SLC45A4: variants seen among roughly 807,000 people sequenced by gnomAD.
SLC45A4 encodes the protein solute carrier family 45 member 4.
Under a neutral mutation model 63.7 loss-of-function variants are expected in SLC45A4, and 32 were observed. The ratio of observed to expected loss-of-function variants is 0.50; its 90% CI spans 0.38 to 0.67. The LOEUF is 0.67. Ranked by LOEUF, SLC45A4 falls within the 30% of genes least tolerant of loss-of-function variation. SLC45A4 has a pLI of 0.00. For synonymous variants in SLC45A4, 535 were observed against 510.0 expected (o/e 1.05, Z -0.66); for missense variants, 1,027 against 1,157.7 (o/e 0.89, Z 1.64).
intron 5 of SLC45A4, 46 bp downstream of exon 5, chr8:141,217,965 C>CA: frequency 1.3e-6 from 2 of 1,533,566 alleles, no homozygotes; most frequent in East Asian, 2.4e-5. Flanking sequence ...CCGTGAGCCG[C>CA]AGGTGGGCAG....
intron 2 of SLC45A4, among the ~76,000 whole-genome samples, chr8:141,231,355 G>C (rs148864343): frequency 6.6e-6 from 1 of 152,358 alleles, no homozygotes; most frequent in East Asian, 1.9e-4. Context: ...CACGCTGCAA[G>C]TTGGTGGGGG....
Position 141,208,393 on chromosome 8 carries a change from C to G in SLC45A4, c.*3179G>C, listed in dbSNP as rs1247949475. On this transcript the variant is annotated 3_prime_UTR_variant, in exon 9 of 9. Coordinates refer to ENST00000517878, the MANE Select transcript of SLC45A4 (RefSeq NM_001286646.2). ...GTTGCTGCAGGGACGGCTTCCTGTT[C>G]AGCTCTGGGGTTCTAGGTGGTCACA... 1 of 152,158 alleles carries G rather than the reference C, an allele frequency of 6.6e-6. No homozygotes were observed. The highest frequency in any genetic ancestry group is 1.5e-5 in the Non-Finnish European group (1 of 68,038). The allele number at this position is 152,158 out of a possible 1,614,324, so 9.4% of individuals were successfully genotyped here. A position where few individuals can be genotyped will look rare whatever the true frequency, so the allele number is the denominator to read the frequency against.
chr8:141,304,549 A>C, intron 1 of SLC45A4, among the ~76,000 whole-genome samples: 1 of 102,868 alleles, frequency 9.7e-6, no homozygotes, highest in South Asian at 4.4e-4. Flanking sequence ...ACAGAGTAAG[A>C]CTGTCTCAAA....
At chr8:141,221,796 C>T (rs1432449272) in intron 2 of SLC45A4, 31 bp from the exon 3 acceptor site, 4 of 1,600,526 alleles carry the variant, frequency 2.5e-6, no homozygotes, top group Admixed American at 3.4e-5. Context: ...GTCGCACACG[C>T]AGGCACTGGC....
intron 1 of SLC45A4, among the ~76,000 whole-genome samples, chr8:141,303,660 C>A (rs1265504450): frequency 6.6e-6 from 1 of 152,142 alleles, no homozygotes; most frequent in East Asian, 1.9e-4. Context: ...CCAAGAGAAA[C>A]CTTGGGGCAA....
At chr8:141,307,315 G>A (rs984079567) in intron 1 of SLC45A4, among the ~76,000 whole-genome samples, 3 of 152,184 alleles carry the variant, frequency 2.0e-5, no homozygotes, top group African/African-American at 7.2e-5. Flanking sequence ...ATCTGGGCCC[G>A]GATGAACTGA....
intron 3 of SLC45A4, among the ~76,000 whole-genome samples, chr8:141,220,497 C>A (rs1218564661): frequency 6.6e-6 from 1 of 152,216 alleles, no homozygotes; most frequent in East Asian, 1.9e-4. Flanking sequence ...TCAGGGGAGT[C>A]TGCCCCTGAA....
chr8:141,251,282 A>G (rs1239619585), intron 2 of SLC45A4, among the ~76,000 whole-genome samples: 1 of 152,122 alleles, frequency 6.6e-6, no homozygotes, highest in Non-Finnish European at 1.5e-5. Flanking sequence ...TCTAGTCGCG[A>G]AAGTGGTTCT....
chr8:141,217,075 T>C lies in SLC45A4; in HGVS notation c.1729+15A>G, dbSNP rs756685034. The C allele has an allele frequency of 2.4e-5, 39 of 1,613,280 alleles. No individual in the cohort carries two copies. The highest frequency in any genetic ancestry group is 1.4e-5 in the Non-Finnish European group (16 of 1,179,696). The stretch of plus-strand genomic sequence containing the variant: ...TCTGGGGTGCGAGTGCTGACCTGAC[T>C]TGGGGAGCTCTTACCTGAACAAATA... On this transcript the variant is annotated intron_variant, in intron 6 of 8. Transcript: ENST00000517878.
intron 1 of SLC45A4, among the ~76,000 whole-genome samples, chr8:141,291,049 A>G (rs1830328876): frequency 6.6e-6 from 1 of 152,126 alleles, no homozygotes; most frequent in Non-Finnish European, 1.5e-5. Context: ...GGGTTTCACC[A>G]TGTTGGCCAG....
chr8:141,299,536 G>A (rs990853550), intron 1 of SLC45A4, among the ~76,000 whole-genome samples: 9 of 152,218 alleles, frequency 5.9e-5, no homozygotes, highest in East Asian at 1.9e-4. Context: ...ACAGCAGAGC[G>A]GCCGTGGCCG....
chr8:141,297,404 A>G (rs1032173079), intron 1 of SLC45A4, among the ~76,000 whole-genome samples: 30 of 152,242 alleles, frequency 2.0e-4, no homozygotes, highest in African/African-American at 7.2e-4. Flanking sequence ...CCAGATGGAC[A>G]AGGCTCTGAG....
intron 5 of SLC45A4, 152 bp downstream of exon 5, chr8:141,217,859 G>A (rs751744363): frequency 1.0e-6 from 1 of 984,888 alleles, no homozygotes; most frequent in Non-Finnish European, 1.5e-6. Context: ...CCAGCTGCCT[G>A]CCGCGGGTCC....
Position 141,294,771 on chromosome 8 carries a change from T to C in SLC45A4, c.-401+13325A>G, listed in dbSNP as rs535981624. ...CGGCGGTGCTGAGCCCCAGGCCCAG[T>C]TGGTGCGGGACCCCTGGGAGGGAGG... On this transcript the variant is annotated intron_variant, in intron 1 of 8. Transcript: ENST00000517878. Among the ~76,000 whole-genome samples the C allele has an allele frequency of 1.1e-4, 17 of 152,228 alleles. No individual in the cohort carries two copies. In the South Asian group the frequency reaches 2.7e-3, roughly 24 times the overall value.
At chr8:141,250,540 C>T (rs1828413640) in intron 2 of SLC45A4, among the ~76,000 whole-genome samples, 2 of 152,242 alleles carry the variant, frequency 1.3e-5, no homozygotes, top group East Asian at 3.9e-4. Context: ...TGTGCACCAC[C>T]ACATCCAGCT....
Position 141,254,144 on chromosome 8 carries a change from C to A in SLC45A4, c.86G>T (p.Gly29Val). 6.5e-7 allele frequency: 1 copy of A among 1,536,198 alleles called. No homozygotes were observed. The highest frequency in any genetic ancestry group is 8.7e-7 in the Non-Finnish European group (1 of 1,146,922). ...CTCGCAGTTCTCGGCCTCTGCGCCTCCGGCTTTCTGCGGGTCCGGCAGGGG... is the reference window on the plus strand; with the variant it reads ...CTCGCAGTTCTCGGCCTCTGCGCCTACGGCTTTCTGCGGGTCCGGCAGGGG... ...SVPLPDPQKA[G>V]GAEAENCETI... is the part of the protein sequence containing the mutation. Residue 29 changes from glycine to valine, a missense_variant, in exon 2 of 9, where the codon GGA becomes GTA. Coordinates refer to ENST00000517878, the MANE Select transcript of SLC45A4 (RefSeq NM_001286646.2). This position sits in a 1 kb window ranked among gnomAD's most constrained non-coding sequence, Gnocchi z 4.5.
chr8:141,258,081 T>TA (rs1491086057), intron 1 of SLC45A4, among the ~76,000 whole-genome samples: 3 of 135,124 alleles, frequency 2.2e-5, no homozygotes, highest in Admixed American at 7.7e-5. Flanking sequence ...TTTTTTTTTT[T>TA]TAACAATCCT....
chr8:141,218,023 T>A lies in SLC45A4; in HGVS notation c.1617A>T (p.Glu539Asp). 6.2e-7 allele frequency: 1 copy of A among 1,604,364 alleles called. No individual in the cohort carries two copies. The change falls in exon 5 of 9, where the codon GAA becomes GAT. Residue 539 changes from glutamate (E) to aspartate (D), a missense_variant. By Grantham distance (45) the Glu-to-Asp change is conservative. Coordinates refer to ENST00000517878, the MANE Select transcript of SLC45A4 (RefSeq NM_001286646.2). Reference protein sequence around the residue: ...YTDFMGQVIFEGDPKAPSNST... With the variant: ...YTDFMGQVIFDGDPKAPSNST... ...GCCGAGCACTCACCTTGGGGTCGCC[T>A]TCGAAGATGACCTGGCCCATGAAGT...
In SLC45A4 at chr8:141,218,851, C is replaced by T. The variant is rs1230347174; in HGVS notation, c.789G>A (p.Glu263=). 1.2e-6 allele frequency: 2 copies of T among 1,613,296 alleles called. No individual in the cohort carries two copies. The highest frequency in any genetic ancestry group is 1.7e-5 in the Admixed American group (1 of 60,014). ...IDEEQYSPQQ[E]RSAEEPGALD... ...GGGCGCCGGGCTCCTCAGCGCTGCG[C>T]TCCTGCTGCGGGCTGTACTGCTCCT... The change falls in exon 5 of 9, where the codon GAG becomes GAA. Residue 263 remains glutamate, a synonymous_variant. Transcript: ENST00000517878.
Sources: gnomAD v4.1 joint callset for allele counts (sites outside exome capture counted in the v4.1 genomes callset) on GRCh38, gnomAD v4.1.1 for gene constraint, Gnocchi (gnomAD v3.1) non-coding constraint, MANE v1.5 for transcripts, NCBI Gene and HGNC (gene_info 2026-07-23, HGNC 2026-07-21) for gene names.